TRPM3: variants seen among roughly 807,000 people sequenced by gnomAD.
TRPM3 encodes long transient receptor potential channel 3.
A neutral mutation model predicts 181.2 loss-of-function variants in TRPM3; 77 were observed. The observed-to-expected ratio is 0.42, with a 90% CI of 0.35 to 0.51. The LOEUF is 0.51. TRPM3 is among the 20% of genes least tolerant of loss of function. The pLI is 0.01. For missense variants in TRPM3, 1,759 were observed against 2,196.7 expected (o/e 0.80, Z 3.98); for synonymous variants, 745 against 796.4 (o/e 0.94, Z 1.09).
At chr9:70,831,983 A>ATATATATTTATATATATATATATATATT (rs1554730508) in intron 5 of TRPM3, among the ~76,000 whole-genome samples, 2 of 103,424 alleles carry the variant, frequency 1.9e-5, no homozygotes, top group Admixed American at 9.5e-5. Context: ...ATATATATAT[A>ATATATATTTATATATATATATATATATT]TATATATATA....
intron 1 of TRPM3, among the ~76,000 whole-genome samples, chr9:70,954,047 A>G (rs2133733293): frequency 6.6e-6 from 1 of 152,288 alleles, no homozygotes; most frequent in African/African-American, 2.4e-5. Context: ...CAGAGAGAAG[A>G]CAATGATTTT....
chr9:71,341,803 G>C (rs2090982397), intron 1 of TRPM3, among the ~76,000 whole-genome samples: 1 of 151,920 alleles, frequency 6.6e-6, no homozygotes, highest in Admixed American at 6.6e-5. Flanking sequence ...AACTTAAAGG[G>C]AAGTGGAGAA....
chr9:71,408,706 C>T (rs759956732), intron 1 of TRPM3, among the ~76,000 whole-genome samples: 1 of 152,126 alleles, frequency 6.6e-6, no homozygotes, highest in Non-Finnish European at 1.5e-5. Context: ...GAGAACTTCC[C>T]CAACCTAGCA....
chr9:70,899,290 T>C (rs778295911), intron 1 of TRPM3, among the ~76,000 whole-genome samples: 8 of 152,332 alleles, frequency 5.3e-5, no homozygotes, highest in Middle Eastern at 6.8e-3. Flanking sequence ...CTGGAAGTGA[T>C]CTTACTGTTA....
intron 1 of TRPM3, among the ~76,000 whole-genome samples, chr9:71,364,880 C>T (rs2092284191): frequency 6.6e-6 from 1 of 152,180 alleles, no homozygotes; most frequent in South Asian, 2.1e-4. Flanking sequence ...TGAATCATCA[C>T]ATGAATGTTC....
At chr9:70,804,921 C>T (rs2090293979) in intron 6 of TRPM3, among the ~76,000 whole-genome samples, 1 of 152,186 alleles carries the variant, frequency 6.6e-6, no homozygotes, top group Non-Finnish European at 1.5e-5. Context: ...ACAGGGACTG[C>T]TGTGAAGTCC....
chr9:71,388,277 C>T (rs368440332), intron 1 of TRPM3, among the ~76,000 whole-genome samples: 7 of 151,904 alleles, frequency 4.6e-5, no homozygotes, highest in African/African-American at 9.7e-5. Context: ...AAAGTAAAAT[C>T]GCTGTTTTTT....
At chr9:70,990,970 A>G (rs1308429271) in intron 1 of TRPM3, among the ~76,000 whole-genome samples, 1 of 152,176 alleles carries the variant, frequency 6.6e-6, no homozygotes, top group Non-Finnish European at 1.5e-5. Flanking sequence ...AATATAAATA[A>G]CTGTTGTTGC....
chr9:70,926,370 G>A (rs937852204), intron 1 of TRPM3, among the ~76,000 whole-genome samples: 1 of 152,108 alleles, frequency 6.6e-6, no homozygotes, highest in Non-Finnish European at 1.5e-5. Flanking sequence ...GTAAAAATTT[G>A]TGGCCATATA....
At chr9:70,659,358 G>A (rs1301885808) in intron 9 of TRPM3, among the ~76,000 whole-genome samples, 7 of 152,092 alleles carry the variant, frequency 4.6e-5, no homozygotes, top group Non-Finnish European at 1.5e-5. Flanking sequence ...CAAGTTTTAT[G>A]TTGGGACCTC....
rs1040292615 is a variant in TRPM3, at chr9:70,536,718, T to G, written c.4395A>C (p.Arg1465Ser). 4 of 1,613,798 alleles carry G rather than the reference T, an allele frequency of 2.5e-6. No individual in the cohort carries two copies. The African/African-American group carries it at 4.0e-5, about 16-fold the overall frequency. Residue 1465 changes from arginine to serine, a missense_variant, in exon 26 of 26, where the codon AGA becomes AGC. Arg to Ser is a moderately radical substitution (Grantham distance 110). Coordinates refer to ENST00000677713, the MANE Select transcript of TRPM3 (RefSeq NM_001366145.2). Reference protein sequence around the residue: ...SAYATLAPTDRPPSRSIDFED... With the variant: ...SAYATLAPTDSPPSRSIDFED... ...CAAAATCAATGCTCCGGCTTGGAGG[T>G]CTGTCTGTGGGTGCAAGTGTTGCAT...
chr9:70,798,551 C>T (rs2087886981), intron 6 of TRPM3, among the ~76,000 whole-genome samples: 1 of 152,152 alleles, frequency 6.6e-6, no homozygotes, highest in Non-Finnish European at 1.5e-5. Flanking sequence ...GAGCTTCTTC[C>T]ACTTAACTGT....
At chr9:71,026,885 A>G (rs1459828802) in intron 1 of TRPM3, among the ~76,000 whole-genome samples, 2 of 152,156 alleles carry the variant, frequency 1.3e-5, no homozygotes, top group African/African-American at 4.8e-5. Flanking sequence ...TGGCCCCCCA[A>G]GTTGTACTGC....
At chr9:70,757,682 T>C (rs1350279149) in intron 8 of TRPM3, among the ~76,000 whole-genome samples, 3 of 151,974 alleles carry the variant, frequency 2.0e-5, no homozygotes, top group Non-Finnish European at 4.4e-5. Flanking sequence ...AACATATGCA[T>C]ATCAATAAAC....
intron 1 of TRPM3, among the ~76,000 whole-genome samples, chr9:71,110,475 G>C (rs2070821301): frequency 6.6e-6 from 1 of 152,168 alleles, no homozygotes; most frequent in Non-Finnish European, 1.5e-5. Flanking sequence ...CTGCTTTCAT[G>C]CTTCGATGTA....
chr9:70,776,427 A>C (rs149872970), intron 7 of TRPM3: 17 of 713,502 alleles, frequency 2.4e-5, no homozygotes, highest in Non-Finnish European at 4.2e-5. Context: ...TTCACTTCTA[A>C]ATACCTTTGC....
intron 14 of TRPM3, among the ~76,000 whole-genome samples, chr9:70,622,094 G>A (rs1008662998): frequency 6.6e-6 from 1 of 152,054 alleles, no homozygotes; most frequent in East Asian, 1.9e-4. Flanking sequence ...CTCAGGAATG[G>A]GATTAGTACC....
At chr9:71,259,855 A>G (rs1456277740) in intron 1 of TRPM3, among the ~76,000 whole-genome samples, 1 of 152,120 alleles carries the variant, frequency 6.6e-6, no homozygotes, top group Non-Finnish European at 1.5e-5. Context: ...CTCTGATGAT[A>G]GTCTCTTCTG....
intron 20 of TRPM3, among the ~76,000 whole-genome samples, chr9:70,602,815 C>A (rs1270309484): frequency 6.6e-6 from 1 of 152,170 alleles, no homozygotes; most frequent in Admixed American, 6.5e-5. Context: ...CCTGAAGGAT[C>A]TGTGTTCAGT....
Sources: allele counts gnomAD v4.1 joint callset (sites outside exome capture counted in the v4.1 genomes callset), GRCh38; gene constraint gnomAD v4.1.1; transcripts MANE v1.5; gene names NCBI Gene and HGNC (gene_info 2026-07-23, HGNC 2026-07-21).